The following SRP9 variants were observed in gnomAD, a reference collection of about 807,000 sequenced individuals.
The protein encoded by SRP9 is signal recognition particle 9 kDa protein.
Under a neutral mutation model 11.7 loss-of-function variants are expected in SRP9, and 2 were observed. That is an observed-to-expected ratio of 0.17 (90% CI 0.07 to 0.54). The LOEUF (loss-of-function observed/expected upper bound fraction) is 0.54, where lower values mean the gene tolerates loss of function less well. Ranked by LOEUF, SRP9 falls within the 20% of genes least tolerant of loss-of-function variation. The pLI is 0.94. For missense variants in SRP9, 54 were observed against 108.1 expected (o/e 0.50, Z 2.22); for synonymous variants, 27 against 35.6 (o/e 0.76, Z 0.86).
intron 1 of SRP9, among the ~76,000 whole-genome samples, chr1:225,781,746 C>G (rs770795557): frequency 1.1e-4 from 17 of 152,136 alleles, no homozygotes; most frequent in African/African-American, 1.2e-4. Flanking sequence ...AGTGAGTGTT[C>G]CTTTAACTGA....
chr1:225,789,233 C>G lies in SRP9; in HGVS notation c.142-7C>G. The G allele has an allele frequency of 6.2e-7, 1 of 1,610,714 alleles. No homozygotes were observed. The highest frequency in any genetic ancestry group is 8.5e-7 in the Non-Finnish European group (1 of 1,178,660). On this transcript the variant is annotated splice_polypyrimidine_tract_variant and splice_region_variant and intron_variant, in intron 2 of 2. Transcript: ENST00000304786. ...TAGTTAATATGTACTTCTAAAATTT[C>G]TGACAGTGTTTGGTGTATAAAACAG...
At chr1:225,786,724 T>G in intron 2 of SRP9, 1 of 1,072,192 alleles carries the variant, frequency 9.3e-7, no homozygotes, top group South Asian at 1.7e-5. Context: ...GGTCTCAATT[T>G]CCTCATCTGT....
rs1217418955 is a variant in SRP9 at position 225,790,391 on chromosome 1, A to T, written c.*1032A>T. On this transcript the variant is annotated 3_prime_UTR_variant, in exon 3 of 3. Coordinates refer to ENST00000304786, the MANE Select transcript of SRP9 (RefSeq NM_003133.6). ...TTGTCATGTTGAACAGCATTTTAGC[A>T]TGGTAAGTTCCCTTAGCTATATGAA... 1 of 152,254 alleles carries T rather than the reference A, an allele frequency of 6.6e-6. No individual in the cohort carries two copies. Among genetic ancestry groups the T allele is most frequent in the African/African-American group, 2.4e-5 (1 of 41,470 alleles). 9.4% of individuals were successfully genotyped at this position (152,254 alleles called of 1,614,324 possible).
chr1:225,789,424 G>A lies in SRP9; in HGVS notation c.*65G>A. The A allele has an allele frequency of 8.2e-6, 12 of 1,459,548 alleles. No homozygotes were observed. The highest frequency in any genetic ancestry group is 1.1e-5 in the Non-Finnish European group (12 of 1,080,542). 90.4% of individuals were successfully genotyped at this position (1,459,548 alleles called of 1,614,324 possible). A position where few individuals can be genotyped will look rare whatever the true frequency, so the allele number is the denominator to read the frequency against. On this transcript the variant is annotated 3_prime_UTR_variant, in exon 3 of 3. Transcript: ENST00000304786. Reference sequence around the variant, plus strand: ...AAATATCTTTTGAATTAGAGAAAGTGTTGGGACAGAAAGTACTTTATGTAA... The same window carrying A: ...AAATATCTTTTGAATTAGAGAAAGTATTGGGACAGAAAGTACTTTATGTAA...
intron 2 of SRP9, among the ~76,000 whole-genome samples, chr1:225,785,088 A>G (rs1377405074): frequency 1.3e-5 from 2 of 151,448 alleles, no homozygotes; most frequent in South Asian, 2.1e-4. Context: ...AGTGATTTCT[A>G]TTTAGACGGA....
rs765743892 is a variant in SRP9 at position 225,783,298 on chromosome 1, A to G, written c.73-2A>G. On this transcript the variant is annotated splice_acceptor_variant, in intron 1 of 2. Coordinates refer to ENST00000304786, the MANE Select transcript of SRP9 (RefSeq NM_003133.6). LOFTEE classifies it high-confidence loss of function. ...GTTTCTAAATATGTATTTTTGTTTC[A>G]GGCACGTGTGGTTCTCAAATATAGG... The G allele has an allele frequency of 6.2e-7, 1 of 1,609,480 alleles. No individual in the cohort carries two copies. The highest frequency in any genetic ancestry group is 1.1e-5 in the South Asian group (1 of 90,456).
intron 1 of SRP9, among the ~76,000 whole-genome samples, chr1:225,781,873 G>C (rs1665806889): frequency 6.6e-6 from 1 of 151,982 alleles, no homozygotes; most frequent in African/African-American, 2.4e-5. Flanking sequence ...ATAGAATCAG[G>C]TATTCTAAAG....
rs117739854 is a variant in SRP9, at chr1:225,783,160, T to A, written c.73-140T>A. ...GATTTTTTTTTTAACTTCATTTCGG[T>A]TTAGTTTATAGTAAAAATGCCTTTA... On this transcript the variant is annotated intron_variant, in intron 1 of 2. Transcript: ENST00000304786. The A allele has an allele frequency of 2.3e-3, 1,278 of 562,402 alleles. 23 individuals are homozygous for A. The East Asian group carries it at 0.03, about 13-fold the overall frequency. 34.8% of individuals were successfully genotyped at this position (562,402 alleles called of 1,614,324 possible). A position where few individuals can be genotyped will look rare whatever the true frequency, so the allele number is the denominator to read the frequency against.
At chr1:225,782,712 T>G (rs1665824256) in intron 1 of SRP9, among the ~76,000 whole-genome samples, 1 of 152,208 alleles carries the variant, frequency 6.6e-6, no homozygotes, top group South Asian at 2.1e-4. Flanking sequence ...GGAAAAGTTG[T>G]TGGTGGAGAC....
chr1:225,778,425 C>T (rs965516806), intron 1 of SRP9, among the ~76,000 whole-genome samples: 28 of 152,300 alleles, frequency 1.8e-4, no homozygotes, highest in African/African-American at 6.3e-4. Context: ...TTTCTACTAC[C>T]GCTCAGACAT....
intron 2 of SRP9, among the ~76,000 whole-genome samples, chr1:225,787,527 C>T (rs368431566): frequency 6.6e-6 from 1 of 151,794 alleles, no homozygotes; most frequent in Admixed American, 6.6e-5. Flanking sequence ...GAACTAGACT[C>T]GGTCTCAAAA....
At chr1:225,782,923 T>C (rs1452033315) in intron 1 of SRP9, among the ~76,000 whole-genome samples, 1 of 152,242 alleles carries the variant, frequency 6.6e-6, no homozygotes, top group Non-Finnish European at 1.5e-5. Context: ...TGCTAAATGT[T>C]TTCCTCCCTT....
intron 1 of SRP9, among the ~76,000 whole-genome samples, chr1:225,781,282 T>C (rs1665790365): frequency 6.6e-6 from 1 of 152,010 alleles, no homozygotes; most frequent in South Asian, 2.1e-4. Flanking sequence ...TTATTTTTGG[T>C]AAAGAACCTT....
intron 2 of SRP9, 66 bp downstream of exon 2, chr1:225,783,434 T>A: frequency 7.5e-7 from 1 of 1,332,490 alleles, no homozygotes; most frequent in Non-Finnish European, 1.1e-6. Context: ...TGTTTGAAAT[T>A]ATTTACTTAG....
intron 2 of SRP9, among the ~76,000 whole-genome samples, chr1:225,783,973 C>A (rs1050860436): frequency 3.3e-5 from 5 of 151,512 alleles, no homozygotes; most frequent in African/African-American, 9.7e-5. Flanking sequence ...TTCTGTGTTT[C>A]TGTTGTTTCA....
At chr1:225,783,433 T>C in intron 2 of SRP9, 65 bp downstream of exon 2, 2 of 1,339,938 alleles carry the variant, frequency 1.5e-6, no homozygotes, top group Non-Finnish European at 2.1e-6. Context: ...TTGTTTGAAA[T>C]TATTTACTTA....
chr1:225,778,110 G>C lies in SRP9; in HGVS notation c.72+98G>C. Reference sequence around the variant, plus strand: ...AGCTTCCCCAGCGCTCCCAGGAGGTGCTGGGAATGAACACAAATGGACCCT... The same window carrying C: ...AGCTTCCCCAGCGCTCCCAGGAGGTCCTGGGAATGAACACAAATGGACCCT... On this transcript the variant is annotated intron_variant, in intron 1 of 2. Coordinates refer to ENST00000304786, the MANE Select transcript of SRP9 (RefSeq NM_003133.6). 2.2e-6 allele frequency: 3 copies of C among 1,348,196 alleles called. No homozygotes were observed. The African/African-American group carries it at 4.4e-5, about 20-fold the overall frequency. 83.5% of individuals were successfully genotyped at this position (1,348,196 alleles called of 1,614,324 possible). A position where few individuals can be genotyped will look rare whatever the true frequency, so the allele number is the denominator to read the frequency against.
Position 225,789,170 on chromosome 1 carries a change from A to G in SRP9, c.142-70A>G. The G allele has an allele frequency of 3.8e-6, 6 of 1,561,886 alleles. No homozygotes were observed. The South Asian group carries it at 5.8e-5, about 15-fold the overall frequency. ...GGAAAAACTCTCAAAATTTTACCCA[A>G]TTGTATGTTTTCTACATTGTCAGTA... On this transcript the variant is annotated intron_variant, in intron 2 of 2. Coordinates refer to ENST00000304786, the MANE Select transcript of SRP9 (RefSeq NM_003133.6).
chr1:225,783,207 T>G, intron 1 of SRP9, 93 bp from the exon 2 acceptor site: 2 of 943,830 alleles, frequency 2.1e-6, no homozygotes, highest in Non-Finnish European at 3.3e-6. Context: ...GTATTTATTC[T>G]AAAAGGATCC....
Sources: allele counts gnomAD v4.1 joint callset (sites outside exome capture counted in the v4.1 genomes callset), GRCh38; gene constraint gnomAD v4.1.1; transcripts MANE v1.5; gene names NCBI Gene and HGNC (gene_info 2026-07-23, HGNC 2026-07-21).